CNTNAP4: variants seen among roughly 807,000 people sequenced by gnomAD.
CNTNAP4 encodes the protein contactin-associated protein-like 4.
A neutral mutation model predicts 148.4 loss-of-function variants in CNTNAP4; 98 were observed. That is an observed-to-expected ratio of 0.66 (90% CI 0.56 to 0.78). The LOEUF is 0.78. Ranked by LOEUF, CNTNAP4 falls within the 30% of genes least tolerant of loss-of-function variation. The probability of loss-of-function intolerance (pLI) is 0.00; values close to 1 mark genes in which losing one functional copy is unlikely to be tolerated. For synonymous variants in CNTNAP4, 730 were observed against 565.1 expected (o/e 1.29, Z -4.14); for missense variants, 1,935 against 1,565.6 (o/e 1.24, Z -3.98).
intron 15 of CNTNAP4, among the ~76,000 whole-genome samples, chr16:76,511,202 G>A (rs1729885279): frequency 6.6e-6 from 1 of 152,032 alleles, no homozygotes; most frequent in South Asian, 2.1e-4. Context: ...TTCTTTTCAG[G>A]TAATTCATTA....
intron 18 of CNTNAP4, among the ~76,000 whole-genome samples, chr16:76,537,443 G>A (rs1568557619): frequency 1.0e-5 from 1 of 96,324 alleles, no homozygotes. Flanking sequence ...ATATGTATTT[G>A]GTGTGTGTGT....
At chr16:76,335,687 C>T (rs1377314531) in intron 2 of CNTNAP4, among the ~76,000 whole-genome samples, 1 of 152,104 alleles carries the variant, frequency 6.6e-6, no homozygotes, top group African/African-American at 2.4e-5. Flanking sequence ...ACTGCCTGAA[C>T]AAAGAAAAGT....
At chr16:76,553,037 G>A (rs894964443) in intron 21 of CNTNAP4, among the ~76,000 whole-genome samples, 5 of 152,062 alleles carry the variant, frequency 3.3e-5, no homozygotes, top group Non-Finnish European at 7.3e-5. Context: ...CTTATGCTTT[G>A]TTTCTAGGGA....
intron 3 of CNTNAP4, among the ~76,000 whole-genome samples, chr16:76,361,381 A>G (rs1408312999): frequency 1.3e-5 from 2 of 152,154 alleles, no homozygotes; most frequent in African/African-American, 2.4e-5. Context: ...TGTACCTCAT[A>G]TGAAAGTGGC....
Position 76,441,862 on chromosome 16 carries a change from A to C in CNTNAP4, c.539-6150A>C, listed in dbSNP as rs2080055023. ...ATTGCTAATTGTGTGTCAGCTTCTA[A>C]AAACTAGGCAGATAAGCATGCATAC... is the stretch of plus-strand genomic sequence containing the variant. On this transcript the variant is annotated intron_variant, in intron 4 of 23. Coordinates refer to ENST00000611870, the MANE Select transcript of CNTNAP4 (RefSeq NM_033401.5). Among the ~76,000 whole-genome samples, 4 of 152,154 alleles carry C rather than the reference A, an allele frequency of 2.6e-5. No homozygotes were observed. The South Asian group carries it at 8.3e-4, about 32-fold the overall frequency.
intron 8 of CNTNAP4, among the ~76,000 whole-genome samples, chr16:76,458,964 C>G (rs2143360812): frequency 6.6e-6 from 1 of 152,170 alleles, no homozygotes; most frequent in Admixed American, 6.5e-5. Flanking sequence ...TTGCCAAAAT[C>G]TATTTTTTTA....
intron 10 of CNTNAP4, among the ~76,000 whole-genome samples, chr16:76,471,606 T>C (rs1052114600): frequency 2.0e-5 from 3 of 152,088 alleles, no homozygotes; most frequent in Non-Finnish European, 4.4e-5. Context: ...CCCGTTGTTT[T>C]CCTCTTCCTT....
intron 2 of CNTNAP4, among the ~76,000 whole-genome samples, chr16:76,350,727 G>A (rs1402237292): frequency 6.6e-6 from 1 of 152,144 alleles, no homozygotes; most frequent in Non-Finnish European, 1.5e-5. Flanking sequence ...GAAATCAATA[G>A]GCACTTAATA....
intron 21 of CNTNAP4, among the ~76,000 whole-genome samples, chr16:76,544,432 G>A (rs1361518063): frequency 6.6e-6 from 1 of 151,874 alleles, no homozygotes; most frequent in African/African-American, 2.4e-5. Context: ...GAGAAAGGTG[G>A]GTGAATTTTA....
chr16:76,448,847 G>T lies in CNTNAP4; in HGVS notation c.823G>T (p.Val275Leu). 1 of 1,613,146 alleles carries T rather than the reference G, an allele frequency of 6.2e-7. No homozygotes were observed. The highest frequency in any genetic ancestry group is 8.5e-7 in the Non-Finnish European group (1 of 1,179,512). Reference sequence around the variant, plus strand: ...GCTAGATGATCAGCATTGGCATTCAGTGCTCATCCAGCGTTTGGGCAAACA... The same window carrying T: ...GCTAGATGATCAGCATTGGCATTCATTGCTCATCCAGCGTTTGGGCAAACA... Reference protein sequence around the residue: ...SLLDDQHWHSVLIQRLGKQVN... With the variant: ...SLLDDQHWHSLLIQRLGKQVN... The change falls in exon 6 of 24, where the codon GTG (valine) becomes TTG (leucine). Residue 275 changes from valine (V) to leucine (L), a missense_variant. Val to Leu is a conservative substitution (Grantham distance 32). Coordinates refer to ENST00000611870, the MANE Select transcript of CNTNAP4 (RefSeq NM_033401.5).
chr16:76,429,729 C>G (rs1268495691), intron 4 of CNTNAP4, among the ~76,000 whole-genome samples: 1 of 152,274 alleles, frequency 6.6e-6, no homozygotes, highest in South Asian at 2.1e-4. Context: ...TCAAACCTCC[C>G]CCTCACCTGT....
intron 3 of CNTNAP4, among the ~76,000 whole-genome samples, chr16:76,417,543 A>C (rs1210070315): frequency 6.6e-6 from 1 of 151,666 alleles, no homozygotes; most frequent in Non-Finnish European, 1.5e-5. Context: ...ATTAATTTGC[A>C]ATAAAAATTA....
chr16:76,427,817 TG>T (rs1396052640), intron 4 of CNTNAP4, among the ~76,000 whole-genome samples: 5 of 152,190 alleles, frequency 3.3e-5, no homozygotes, highest in African/African-American at 1.2e-4. Flanking sequence ...ACTTGATAGA[TG>T]GATAGATACA....
chr16:76,555,118 A>G lies in CNTNAP4; in HGVS notation c.3733+1211A>G, dbSNP rs557893969. On this transcript the variant is annotated intron_variant, in intron 23 of 23. Transcript: ENST00000611870. ...ACCACTTAACATTTCAATTTGGGCA[A>G]TTTATGTGGCTTTATACCTGATTCA... Among the ~76,000 whole-genome samples, 10 of 152,218 alleles carry G rather than the reference A, an allele frequency of 6.6e-5. No individual in the cohort carries two copies. In the East Asian group the frequency reaches 1.9e-3, roughly 30 times the overall value.
chr16:76,413,252 C>A (rs527634315), intron 3 of CNTNAP4, among the ~76,000 whole-genome samples: 1 of 151,482 alleles, frequency 6.6e-6, no homozygotes, highest in South Asian at 2.1e-4. Context: ...CCTGCAAGCC[C>A]CCCACTACAC....
chr16:76,506,470 C>T (rs112411556), intron 15 of CNTNAP4, among the ~76,000 whole-genome samples: 19,255 of 67,660 alleles, frequency 0.28, 7,982 homozygotes, highest in East Asian at 0.76. Context: ...CGCTTCTCTT[C>T]CGTTCCTTTT....
chr16:76,343,007 G>T (rs1203503826), intron 2 of CNTNAP4, among the ~76,000 whole-genome samples: 1 of 152,060 alleles, frequency 6.6e-6, no homozygotes, highest in African/African-American at 2.4e-5. Flanking sequence ...CACATTCTCT[G>T]TGGTAACAGC....
At chr16:76,282,756 TC>T (rs1958733676) in intron 1 of CNTNAP4, among the ~76,000 whole-genome samples, 2 of 151,934 alleles carry the variant, frequency 1.3e-5, no homozygotes, top group Admixed American at 1.3e-4. Flanking sequence ...ATTTTAGAAT[TC>T]CAGGAACTGA....
At chr16:76,514,902 T>C (rs2144037227) in intron 15 of CNTNAP4, among the ~76,000 whole-genome samples, 1 of 152,334 alleles carries the variant, frequency 6.6e-6, no homozygotes, top group African/African-American at 2.4e-5. Context: ...GTTTAGAAGA[T>C]GCACTGATTA....
Sources: gnomAD v4.1 joint callset for allele counts (sites outside exome capture counted in the v4.1 genomes callset) on GRCh38, gnomAD v4.1.1 for gene constraint, MANE v1.5 for transcripts, NCBI Gene and HGNC (gene_info 2026-07-23, HGNC 2026-07-21) for gene names.